The following SLC25A31 variants were observed in gnomAD, a reference collection of about 807,000 sequenced individuals.
SLC25A31 encodes ADP/ATP translocase 4.
SLC25A31 carries 40 observed loss-of-function variants against 36.2 expected under a neutral mutation model. The observed-to-expected ratio is 1.10, with a 90% CI of 0.86 to 1.44. The LOEUF (loss-of-function observed/expected upper bound fraction) is 1.44. SLC25A31 is among the 40% of genes most tolerant of loss of function. The pLI is 0.00. For missense variants in SLC25A31, 350 were observed against 397.1 expected (o/e 0.88, Z 1.01); for synonymous variants, 143 against 149.7 (o/e 0.96, Z 0.32).
intron 2 of SLC25A31, among the ~76,000 whole-genome samples, chr4:127,754,362 G>A (rs1276922483): frequency 2.6e-5 from 4 of 152,046 alleles, no homozygotes; most frequent in Admixed American, 2.6e-4. Context: ...TCTGTTGTCA[G>A]GTAGCATGAT....
intron 1 of SLC25A31, among the ~76,000 whole-genome samples, chr4:127,741,954 C>T (rs745952124): frequency 6.6e-6 from 1 of 152,054 alleles, no homozygotes; most frequent in Admixed American, 6.6e-5. Context: ...CTTTGTATTA[C>T]TGTATGTTAG....
At chr4:127,754,448 A>G (rs1578664621) in intron 2 of SLC25A31, among the ~76,000 whole-genome samples, 1 of 152,188 alleles carries the variant, frequency 6.6e-6, no homozygotes, top group Non-Finnish European at 1.5e-5. Flanking sequence ...GTCACAGGAT[A>G]CAAAATTAAC....
intron 2 of SLC25A31, among the ~76,000 whole-genome samples, 164 bp from the exon 3 acceptor site, chr4:127,764,079 T>TGGCTA (rs1409699329): frequency 6.6e-6 from 1 of 152,224 alleles, no homozygotes; most frequent in Admixed American, 6.5e-5. Context: ...GCTATAAAAA[T>TGGCTA]AAAATATTTT....
intron 5 of SLC25A31, among the ~76,000 whole-genome samples, chr4:127,771,533 G>T (rs552290403): frequency 6.6e-6 from 1 of 152,046 alleles, no homozygotes; most frequent in Non-Finnish European, 1.5e-5. Flanking sequence ...ACATGAACAG[G>T]CATATAATCT....
chr4:127,747,459 C>G (rs1306458624), intron 2 of SLC25A31, among the ~76,000 whole-genome samples: 1 of 152,092 alleles, frequency 6.6e-6, no homozygotes, highest in Non-Finnish European at 1.5e-5. Flanking sequence ...TTACAAAACA[C>G]TGCTCATAGA....
intron 2 of SLC25A31, among the ~76,000 whole-genome samples, chr4:127,761,127 T>G (rs745486983): frequency 1.3e-5 from 2 of 152,184 alleles, no homozygotes; most frequent in Non-Finnish European, 2.9e-5. Context: ...ACTGCCTTTC[T>G]CCCTCTATTT....
intron 3 of SLC25A31, 83 bp downstream of exon 3, chr4:127,764,443 T>A: frequency 8.7e-7 from 1 of 1,144,126 alleles, no homozygotes; most frequent in East Asian, 2.4e-5. Flanking sequence ...TGTGCTATAA[T>A]AGTGTTACCA....
At chr4:127,753,658 A>G (rs1731977514) in intron 2 of SLC25A31, among the ~76,000 whole-genome samples, 1 of 152,176 alleles carries the variant, frequency 6.6e-6, no homozygotes, top group Non-Finnish European at 1.5e-5. Context: ...GAACAGACCA[A>G]CAATGAGTAA....
intron 5 of SLC25A31, among the ~76,000 whole-genome samples, chr4:127,773,035 G>A (rs755214456): frequency 1.3e-5 from 2 of 151,918 alleles, no homozygotes. Context: ...TTCCTGTCTC[G>A]GCCTCCCAAA....
chr4:127,770,996 G>A (rs535409544), intron 5 of SLC25A31, among the ~76,000 whole-genome samples: 6 of 129,812 alleles, frequency 4.6e-5, no homozygotes, highest in East Asian at 2.2e-4. Flanking sequence ...TCACTGTGTC[G>A]CCGAGGCTGG....
intron 4 of SLC25A31, 134 bp downstream of exon 4, chr4:127,767,354 T>A (rs1732265687): frequency 5.8e-6 from 5 of 867,784 alleles, no homozygotes; most frequent in Non-Finnish European, 8.1e-6. Flanking sequence ...GACATGAAAT[T>A]CTGCTTAATC....
chr4:127,764,147 TG>T, intron 2 of SLC25A31, 95 bp from the exon 3 acceptor site: 1 of 990,364 alleles, frequency 1.0e-6, no homozygotes, highest in Non-Finnish European at 1.5e-6. Context: ...CTTATAAATC[TG>T]GTGTTTTAAC....
intron 2 of SLC25A31, among the ~76,000 whole-genome samples, chr4:127,753,539 T>C (rs1439815670): frequency 6.6e-6 from 1 of 152,142 alleles, no homozygotes; most frequent in Non-Finnish European, 1.5e-5. Context: ...TTATGCCATA[T>C]AAGTTATGAA....
Position 127,752,653 on chromosome 4 carries a change from TC to T in SLC25A31, c.360+7855del, listed in dbSNP as rs558432225. Among the ~76,000 whole-genome samples, 4 of 151,754 alleles carry T rather than the reference TC, an allele frequency of 2.6e-5. No individual in the cohort carries two copies. The South Asian group carries it at 8.3e-4, about 32-fold the overall frequency. ...TACATCATACAAAATAGACTTTAAG[TC>T]AAAAACTGAAAACAAAGAATGTCAT... On this transcript the variant is annotated intron_variant, in intron 2 of 5. Transcript: ENST00000281154.
intron 1 of SLC25A31, among the ~76,000 whole-genome samples, chr4:127,743,094 G>A (rs1027139392): frequency 5.3e-5 from 8 of 150,602 alleles, no homozygotes; most frequent in Non-Finnish European, 1.2e-4. Context: ...GTCTTGGTTG[G>A]CTAGTAATCC....
At chr4:127,733,984 T>A (rs1373516437) in intron 1 of SLC25A31, among the ~76,000 whole-genome samples, 1 of 152,226 alleles carries the variant, frequency 6.6e-6, no homozygotes, top group Admixed American at 6.5e-5. Flanking sequence ...GCTTCTGGAT[T>A]TATCCTTATG....
chr4:127,743,813 G>A (rs988603771), intron 1 of SLC25A31, among the ~76,000 whole-genome samples: 1 of 152,144 alleles, frequency 6.6e-6, no homozygotes, highest in African/African-American at 2.4e-5. Context: ...TCAATTCTGA[G>A]CACTAGCGCA....
chr4:127,759,099 A>G (rs754056300), intron 2 of SLC25A31, among the ~76,000 whole-genome samples: 8 of 152,246 alleles, frequency 5.3e-5, no homozygotes, highest in East Asian at 3.9e-4. Context: ...CTTCCAGTAC[A>G]TGAGCATGGA....
intron 3 of SLC25A31, 95 bp downstream of exon 3, chr4:127,764,455 A>G (rs529244465): frequency 2.8e-5 from 29 of 1,045,962 alleles, no homozygotes; most frequent in Non-Finnish European, 3.8e-5. Flanking sequence ...GTGTTACCAG[A>G]TAAAGTCTAC....
Sources: allele counts gnomAD v4.1 joint callset (sites outside exome capture counted in the v4.1 genomes callset), GRCh38; gene constraint gnomAD v4.1.1; transcripts MANE v1.5; gene names NCBI Gene and HGNC (gene_info 2026-07-23, HGNC 2026-07-21).